Variants in SYN2 observed in about 807,000 individuals in gnomAD.
The protein encoded by SYN2 is synapsin-2.
A neutral mutation model predicts 50.9 loss-of-function variants in SYN2; 19 were observed. The ratio of observed to expected loss-of-function variants is 0.37; its 90% CI spans 0.26 to 0.55. The LOEUF is 0.55. Ranked by LOEUF, SYN2 falls within the 20% of genes least tolerant of loss-of-function variation. The probability of loss-of-function intolerance (pLI) is 0.81; values close to 1 mark genes in which losing one functional copy is unlikely to be tolerated. For synonymous variants in SYN2, 255 were observed against 224.9 expected (o/e 1.13, Z -1.20); for missense variants, 587 against 576.4 (o/e 1.02, Z -0.19).
intron 1 of SYN2, among the ~76,000 whole-genome samples, chr3:12,131,618 T>G (rs1407042894): frequency 6.6e-6 from 1 of 151,930 alleles, no homozygotes; most frequent in African/African-American, 2.4e-5. Flanking sequence ...GCATCTAATC[T>G]TCCCGTCATG....
At chr3:12,170,483 T>G (rs1317949061) in intron 10 of SYN2, among the ~76,000 whole-genome samples, 2 of 152,196 alleles carry the variant, frequency 1.3e-5, no homozygotes, top group African/African-American at 4.8e-5. Flanking sequence ...CCAATCACAC[T>G]CATGGCAACA....
intron 1 of SYN2, among the ~76,000 whole-genome samples, chr3:12,027,529 TAATGTCAGCTTCATCCATTTTAC>T (rs1325795141): frequency 3.3e-5 from 5 of 152,230 alleles, no homozygotes; most frequent in Admixed American, 3.3e-4. Context: ...CAGTTGGGGC[TAATGTCAGCTTCATCCATTTTAC>T]AAAACACTGA....
chr3:12,075,643 T>C (rs573696810), intron 1 of SYN2, among the ~76,000 whole-genome samples: 2 of 152,280 alleles, frequency 1.3e-5, no homozygotes, highest in East Asian at 1.9e-4. Context: ...TTTTAAAAGA[T>C]ATTCTATTCC....
At chr3:12,055,234 A>T (rs1694961009) in intron 1 of SYN2, among the ~76,000 whole-genome samples, 1 of 152,156 alleles carries the variant, frequency 6.6e-6, no homozygotes, top group Non-Finnish European at 1.5e-5. Context: ...TGAAAATCTT[A>T]AAAATTCCCC....
At chr3:12,012,765 A>G (rs1574885363) in intron 1 of SYN2, among the ~76,000 whole-genome samples, 1 of 152,322 alleles carries the variant, frequency 6.6e-6, no homozygotes, top group South Asian at 2.1e-4. Context: ...TGTCTTCTGC[A>G]TGACCTTGCT....
At chr3:12,085,694 A>C (rs1306343242) in intron 1 of SYN2, among the ~76,000 whole-genome samples, 2 of 152,192 alleles carry the variant, frequency 1.3e-5, no homozygotes, top group Non-Finnish European at 2.9e-5. Flanking sequence ...AAAATAAAAA[A>C]TATTTTAAGA....
At chr3:12,022,632 T>C (rs1031976286) in intron 1 of SYN2, among the ~76,000 whole-genome samples, 5 of 151,924 alleles carry the variant, frequency 3.3e-5, no homozygotes, top group Admixed American at 3.3e-4. Context: ...ATGGTCTCGA[T>C]CTCTTGACCT....
chr3:12,091,365 A>G (rs1695824314), intron 1 of SYN2, among the ~76,000 whole-genome samples: 3 of 152,198 alleles, frequency 2.0e-5, no homozygotes, highest in Admixed American at 2.0e-4. Flanking sequence ...TATAAGCTAA[A>G]TGATAGCTTG....
intron 1 of SYN2, among the ~76,000 whole-genome samples, chr3:12,037,776 A>C (rs1694529994): frequency 6.6e-6 from 1 of 152,234 alleles, no homozygotes; most frequent in Admixed American, 6.5e-5. Flanking sequence ...TTTCCAACAT[A>C]AGAACTTTGG....
chr3:12,156,746 C>A, intron 5 of SYN2: 1 of 1,239,640 alleles, frequency 8.1e-7, no homozygotes, highest in Non-Finnish European at 1.2e-6. Context: ...AAGGAAGACC[C>A]TGGCTCCTTT....
At chr3:12,046,540 G>T (rs527783478) in intron 1 of SYN2, among the ~76,000 whole-genome samples, 1 of 152,270 alleles carries the variant, frequency 6.6e-6, no homozygotes, top group East Asian at 1.9e-4. Flanking sequence ...AGTTTTGATG[G>T]AAGAGAGACA....
chr3:12,157,034 A>G, intron 5 of SYN2: 1 of 857,138 alleles, frequency 1.2e-6, no homozygotes, highest in Non-Finnish European at 1.8e-6. Context: ...AAATGTAAGC[A>G]AAAGTCTAGT....
rs59286785 is a variant in SYN2, at chr3:12,057,287, C to CTG, written c.377+52395_377+52396dup. On this transcript the variant is annotated intron_variant, in intron 1 of 12. Transcript: ENST00000621198. Reference sequence around the variant, plus strand: ...AACCTGGGCGACAAGGCAAGACTGTCTGTGTGTGTGTGTGTGTGTGTGTGT... The same window carrying CTG: ...AACCTGGGCGACAAGGCAAGACTGTCTGTGTGTGTGTGTGTGTGTGTGTGTGT... Among the ~76,000 whole-genome samples the CTG allele has an allele frequency of 5.8e-3, 776 of 133,978 alleles. 5 individuals are homozygous for CTG. The highest frequency in any genetic ancestry group is 7.1e-3 in the Non-Finnish European group (436 of 61,530). The allele number at this position is 133,978 out of a possible 152,430, so 87.9% of individuals were successfully genotyped here.
chr3:12,027,003 G>A (rs558640217), intron 1 of SYN2, among the ~76,000 whole-genome samples: 1 of 152,274 alleles, frequency 6.6e-6, no homozygotes, highest in Non-Finnish European at 1.5e-5. Flanking sequence ...GGATATACGC[G>A]TAATGCTTGT....
At chr3:12,069,244 C>CT (rs57716121) in intron 1 of SYN2, among the ~76,000 whole-genome samples, 16 of 128,274 alleles carry the variant, frequency 1.2e-4, no homozygotes, top group Non-Finnish European at 2.0e-4. Context: ...ATTGTATGAC[C>CT]TTTTTTTTTT....
chr3:12,010,828 G>C (rs1206438413), intron 1 of SYN2, among the ~76,000 whole-genome samples: 2 of 152,138 alleles, frequency 1.3e-5, no homozygotes, highest in African/African-American at 4.8e-5. Flanking sequence ...ACCTTTGAAT[G>C]GTCTTAATTC....
chr3:12,033,140 G>A (rs535330480), intron 1 of SYN2, among the ~76,000 whole-genome samples: 5 of 151,944 alleles, frequency 3.3e-5, no homozygotes, highest in East Asian at 2.0e-4. Context: ...ATACCGTGCC[G>A]TGTGAGGTGT....
At chr3:12,047,978 A>T (rs576022218) in intron 1 of SYN2, among the ~76,000 whole-genome samples, 60 of 152,296 alleles carry the variant, frequency 3.9e-4, no homozygotes, top group African/African-American at 1.4e-3. Flanking sequence ...CCTGATTGTG[A>T]GACCCTCTAC....
At chr3:12,049,165 T>C (rs921508099) in intron 1 of SYN2, among the ~76,000 whole-genome samples, 8 of 152,082 alleles carry the variant, frequency 5.3e-5, no homozygotes, top group Non-Finnish European at 7.4e-5. Context: ...CTTACTAGTT[T>C]AGCATAACTT....
Sources: gnomAD v4.1 joint callset for allele counts (sites outside exome capture counted in the v4.1 genomes callset) on GRCh38, gnomAD v4.1.1 for gene constraint, MANE v1.5 for transcripts, NCBI Gene and HGNC (gene_info 2026-07-23, HGNC 2026-07-21) for gene names.